The following PLCH2 variants were observed in gnomAD, a reference collection of about 807,000 sequenced individuals.
PLCH2 encodes the protein phospholipase C eta 2.
In PLCH2, 98 loss-of-function variants were observed where a neutral mutation model predicts 134.7. The observed-to-expected ratio is 0.73, with a 90% CI of 0.62 to 0.86. The LOEUF (loss-of-function observed/expected upper bound fraction) is 0.86. PLCH2 is among the 40% of genes least tolerant of loss of function. The pLI is 0.00. For missense variants in PLCH2, 1,994 were observed against 1,986.6 expected (o/e 1.00, Z -0.07); for synonymous variants, 974 against 827.5 (o/e 1.18, Z -3.04).
chr1:2,430,937 G>A (rs1371008550), intron 2 of PLCH2, among the ~76,000 whole-genome samples: 2 of 152,196 alleles, frequency 1.3e-5, no homozygotes, highest in African/African-American at 4.8e-5. Context: ...CACTGGGGGG[G>A]TCTGGGAGAG....
chr1:2,475,857 G>C (rs1641585641), upstream of PLCH2, among the ~76,000 whole-genome samples: 3 of 152,184 alleles, frequency 2.0e-5, no homozygotes. Context: ...CCAGCCACAG[G>C]GGCTGGGCGC....
In PLCH2 at chr1:2,484,623, G is replaced by A; in HGVS notation, c.816+5G>A. Reference sequence around the variant, plus strand: ...TTCCTGCAGGTGGAGCAGAAGGTGTGCTGCCCGGGGCAGGTGTTGGGGGGC... The same window carrying A: ...TTCCTGCAGGTGGAGCAGAAGGTGTACTGCCCGGGGCAGGTGTTGGGGGGC... On this transcript the variant is annotated splice_donor_5th_base_variant and intron_variant, in intron 5 of 21. Coordinates refer to ENST00000378486, the MANE Select transcript of PLCH2 (RefSeq NM_014638.4). The A allele has an allele frequency of 6.2e-7, 1 of 1,609,640 alleles. No individual in the cohort carries two copies.
intron 1 of PLCH2, among the ~76,000 whole-genome samples, chr1:2,429,259 G>T (rs1638952335): frequency 6.6e-6 from 1 of 152,176 alleles, no homozygotes; most frequent in Non-Finnish European, 1.5e-5. Context: ...TTCCCACCTG[G>T]CAGAGCATGG....
chr1:2,463,343 G>T (rs1640911784), upstream of PLCH2, among the ~76,000 whole-genome samples: 1 of 152,244 alleles, frequency 6.6e-6, no homozygotes, highest in Non-Finnish European at 1.5e-5. Context: ...ACATTCCAAG[G>T]TGGTGGAGGA....
chr1:2,474,067 C>A (rs1304164278), upstream of PLCH2, among the ~76,000 whole-genome samples: 1 of 152,188 alleles, frequency 6.6e-6, no homozygotes, highest in African/African-American at 2.4e-5. Context: ...GATGGCCGGG[C>A]CCTGGCTCAG....
At chr1:2,491,589 C>T (rs1167880788) in intron 11 of PLCH2, among the ~76,000 whole-genome samples, 1 of 152,246 alleles carries the variant, frequency 6.6e-6, no homozygotes, top group African/African-American at 2.4e-5. Flanking sequence ...CCTTCCCTGC[C>T]CAGCGCCCCT....
intron 4 of PLCH2, 106 bp from the exon 5 acceptor site, chr1:2,484,342 G>C: frequency 9.2e-7 from 1 of 1,087,482 alleles, no homozygotes; most frequent in Non-Finnish European, 1.3e-6. Flanking sequence ...GAGGAGGGTG[G>C]GCTTGCATGT....
At chr1:2,449,816 C>T (rs1640109672) in intron 2 of PLCH2, among the ~76,000 whole-genome samples, 1 of 152,238 alleles carries the variant, frequency 6.6e-6, no homozygotes, top group Admixed American at 6.5e-5. Flanking sequence ...CTCTCAGGGA[C>T]AGTGGCTGCC....
At position 2,448,244 on chromosome 1, in the gene PLCH2, C is replaced by T. The variant is rs745577182; in HGVS notation, c.115+17615C>T. ...GCTGCCGTGCACTGGCCACTAAAAACGCCGCACGCTTATTCTCTCGCAGTC... is the reference window on the plus strand; with the variant it reads ...GCTGCCGTGCACTGGCCACTAAAAATGCCGCACGCTTATTCTCTCGCAGTC... On this transcript the variant is annotated intron_variant, in intron 2 of 3. Transcript: ENST00000609981. This position sits in a 1 kb window ranked among gnomAD's most constrained non-coding sequence, Gnocchi z 4.0. Among the ~76,000 whole-genome samples, 1 of 152,178 alleles carries T rather than the reference C, an allele frequency of 6.6e-6. No homozygotes were observed. The highest frequency in any genetic ancestry group is 2.4e-5 in the African/African-American group (1 of 41,430).
upstream of PLCH2, among the ~76,000 whole-genome samples, chr1:2,474,623 G>A (rs773887531): frequency 4.6e-5 from 7 of 152,184 alleles, no homozygotes; most frequent in Non-Finnish European, 7.4e-5. Context: ...AAGGGAGGGA[G>A]GGAGGGAGCA....
intron 21 of PLCH2, chr1:2,503,031 ATCCGTGGCACTGTC>A (rs1424231555): frequency 9.8e-6 from 7 of 713,278 alleles, no homozygotes; most frequent in East Asian, 8.1e-5. Context: ...GTGGCTCTGT[ATCCGTGGCACTGTC>A]TCCGTGGCAC....
rs148560510 is a variant in PLCH2, at chr1:2,502,203, G to C, written c.2753G>C (p.Arg918Pro). 3 of 1,537,530 alleles carry C rather than the reference G, an allele frequency of 2.0e-6. No homozygotes were observed. The highest frequency in any genetic ancestry group is 2.6e-6 in the Non-Finnish European group (3 of 1,143,836). Residue 918 changes from arginine (R) to proline (P), a missense_variant, in exon 21 of 22, where the codon CGG becomes CCG. By Grantham distance (103) the Arg-to-Pro change is moderately radical (BLOSUM62 -2). Around this residue, in one of 2 missense-constraint regions of PLCH2, gnomAD observed 900 missense variants for 752.3 expected, o/e 1.20. Transcript: ENST00000378486. ...DSHAAGRPPA[R>P]PSVSQRILRR... ...CATGCTGCTGGGCGGCCCCCGGCCC[G>C]GCCCTCCGTTAGCCAGCGGATCCTG...
At chr1:2,499,763 A>T (rs1054580923) in intron 20 of PLCH2, 43 bp downstream of exon 20, 1 of 1,426,416 alleles carries the variant, frequency 7.0e-7, no homozygotes, top group Non-Finnish European at 9.7e-7. Context: ...GGGAGGGGCC[A>T]CACCAGCCCC....
At chr1:2,431,758 TTCC>T (rs1294305753) in intron 2 of PLCH2, among the ~76,000 whole-genome samples, 3 of 152,134 alleles carry the variant, frequency 2.0e-5, no homozygotes, top group Non-Finnish European at 4.4e-5. Flanking sequence ...TGCCTCTCCG[TTCC>T]TACCCCTTGT....
rs757330257 is a variant in PLCH2 at position 2,489,258 on chromosome 1, G to A, written c.1287G>A (p.Lys429=). Residue 429 remains lysine, a synonymous_variant, in exon 9 of 22, where the codon AAG becomes AAA. Transcript: ENST00000378486. ...ACCACTGCAGTGTCATCCAGCAGAA[G>A]AAAATGGCCCAGTATCTGACTGACA... ...IENHCSVIQQ[K]KMAQYLTDIL... 6.2e-7 allele frequency: 1 copy of A among 1,613,940 alleles called. No individual in the cohort carries two copies. The highest frequency in any genetic ancestry group is 1.7e-5 in the Admixed American group (1 of 60,022).
chr1:2,479,937 G>C lies in PLCH2; in HGVS notation c.475G>C (p.Asp159His), dbSNP rs200040569. 23 of 1,609,058 alleles carry C rather than the reference G, an allele frequency of 1.4e-5. No homozygotes were observed. Among genetic ancestry groups the C allele is most frequent in the Non-Finnish European group, 2.0e-5 (23 of 1,177,734 alleles). The change falls in exon 3 of 22, where the codon GAC becomes CAC. Residue 159 changes from aspartate to histidine, a missense_variant. Physicochemically the swap from Asp to His is moderately conservative, Grantham distance 81 (BLOSUM62 -1). Coordinates refer to ENST00000378486, the MANE Select transcript of PLCH2 (RefSeq NM_014638.4). The stretch of plus-strand genomic sequence containing the variant: ...GCGCTACCTCATGGCCGGCATCAGC[G>C]ACGAGGACAGCCTGGCTCGCCGCCA... The part of the protein sequence containing the change: ...GLRYLMAGIS[D>H]EDSLARRQRT...
At chr1:2,431,256 G>A (rs532439264) in intron 2 of PLCH2, among the ~76,000 whole-genome samples, 3 of 152,220 alleles carry the variant, frequency 2.0e-5, no homozygotes, top group Non-Finnish European at 4.4e-5. Context: ...TGGTGAGCGT[G>A]TGTGCGTGTG....
At chr1:2,499,426 C>T (rs1181273937) in intron 19 of PLCH2, among the ~76,000 whole-genome samples, 196 bp downstream of exon 19, 1 of 152,152 alleles carries the variant, frequency 6.6e-6, no homozygotes, top group Non-Finnish European at 1.5e-5. Context: ...GGGGAGGGGC[C>T]ACCCCCAGGA....
Position 2,504,004 on chromosome 1 carries a change from T to C in PLCH2, c.3042T>C (p.Pro1014=). The change falls in exon 22 of 22, where the codon CCT becomes CCC. Residue 1014 remains proline, a synonymous_variant. Coordinates refer to ENST00000378486, the MANE Select transcript of PLCH2 (RefSeq NM_014638.4). The part of the protein sequence containing the change: ...ETIAEEPAPG[P]GPPPPAAVPT... ...TCGCTGAGGAGCCCGCCCCAGGCCCTGGTCCCCCGCCACCAGCGGCTGTCC... is the reference window on the plus strand; with the variant it reads ...TCGCTGAGGAGCCCGCCCCAGGCCCCGGTCCCCCGCCACCAGCGGCTGTCC... 1 of 1,477,312 alleles carries C rather than the reference T, an allele frequency of 6.8e-7. No homozygotes were observed. Among genetic ancestry groups the C allele is most frequent in the Non-Finnish European group, 9.1e-7 (1 of 1,102,260 alleles). 91.5% of individuals were successfully genotyped at this position (1,477,312 alleles called of 1,614,324 possible).
Sources: gnomAD v4.1 joint callset for allele counts (sites outside exome capture counted in the v4.1 genomes callset) on GRCh38, gnomAD v4.1.1 for gene constraint, gnomAD v4.1.1 regional missense constraint, Gnocchi (gnomAD v3.1) non-coding constraint, MANE v1.5 for transcripts, NCBI Gene and HGNC (gene_info 2026-07-23, HGNC 2026-07-21) for gene names.